RASSF8: variants seen among roughly 807,000 people sequenced by gnomAD.
RASSF8 encodes Ras association domain family member 8.
RASSF8 carries 22 observed loss-of-function variants against 48.5 expected under a neutral mutation model. The observed-to-expected ratio is 0.45, with a 90% CI of 0.32 to 0.65. The LOEUF is 0.65. Among genes scored for constraint, RASSF8 ranks in the 30% least tolerant of loss-of-function variants. RASSF8 has a pLI of 0.03. For synonymous variants in RASSF8, 127 were observed against 171.5 expected (o/e 0.74, Z 2.03); for missense variants, 418 against 489.2 (o/e 0.85, Z 1.37).
chr12:25,960,661 C>T (rs981403665), intron 1 of RASSF8, among the ~76,000 whole-genome samples: 7 of 152,140 alleles, frequency 4.6e-5, no homozygotes, highest in Non-Finnish European at 8.8e-5. Flanking sequence ...AAAATCTCCC[C>T]CTTCCTCATT....
chr12:25,964,498 A>G (rs1941311855), intron 1 of RASSF8, among the ~76,000 whole-genome samples: 2 of 152,294 alleles, frequency 1.3e-5, no homozygotes, highest in South Asian at 2.1e-4. Context: ...TGTAGGTAAT[A>G]TATTTTGTCA....
At chr12:26,050,479 G>T (rs561441536) in intron 2 of RASSF8, among the ~76,000 whole-genome samples, 25 of 152,232 alleles carry the variant, frequency 1.6e-4, no homozygotes, top group Middle Eastern at 3.4e-3. Flanking sequence ...TACAAATGCT[G>T]CTTGGAAAAA....
At chr12:25,987,336 C>T (rs1223306401) in intron 1 of RASSF8, among the ~76,000 whole-genome samples, 1 of 152,116 alleles carries the variant, frequency 6.6e-6, no homozygotes, top group East Asian at 1.9e-4. Context: ...TGCGGTCATG[C>T]CTCTTAGATT....
At chr12:26,048,757 T>C (rs960333901) in intron 2 of RASSF8, among the ~76,000 whole-genome samples, 58 of 149,744 alleles carry the variant, frequency 3.9e-4, no homozygotes, top group African/African-American at 1.3e-3. Context: ...TGTTTTGTTT[T>C]GTTTTGTTTT....
chr12:26,062,690 G>A (rs1019953584), intron 3 of RASSF8, among the ~76,000 whole-genome samples: 1 of 150,770 alleles, frequency 6.6e-6, no homozygotes, highest in Non-Finnish European at 1.5e-5. Flanking sequence ...GGGCAAGGGA[G>A]GGGAAAAAAT....
chr12:25,959,076 G>C lies in RASSF8; in HGVS notation c.-275G>C, dbSNP rs910840339. The stretch of plus-strand genomic sequence containing the variant: ...GCGCTGGGCGGCCGCGGAGCTCCGG[G>C]TGCCGCCGCGTCCCCAGCGCCCCGG... On this transcript the variant is annotated 5_prime_UTR_variant, in exon 1 of 6. Transcript: ENST00000689635. The C allele has an allele frequency of 2.0e-5, 3 of 148,940 alleles. No individual in the cohort carries two copies. Among genetic ancestry groups the C allele is most frequent in the African/African-American group, 7.3e-5 (3 of 41,080 alleles). The allele number at this position is 148,940 out of a possible 1,614,324, so 9.2% of individuals were successfully genotyped here. A position where few individuals can be genotyped will look rare whatever the true frequency, so the allele number is the denominator to read the frequency against.
chr12:25,992,818 G>C (rs539196922), intron 1 of RASSF8, among the ~76,000 whole-genome samples: 2 of 152,256 alleles, frequency 1.3e-5, no homozygotes, highest in Admixed American at 6.5e-5. Context: ...TGCCTTCCTA[G>C]GTACTCGCAC....
At chr12:26,048,551 T>C (rs1335519529) in intron 2 of RASSF8, among the ~76,000 whole-genome samples, 2 of 152,172 alleles carry the variant, frequency 1.3e-5, no homozygotes, top group Non-Finnish European at 2.9e-5. Flanking sequence ...TAATGAGGGC[T>C]ACAGGGCCAT....
chr12:25,997,437 AATATTTT>A (rs2136967746), intron 2 of RASSF8, among the ~76,000 whole-genome samples: 1 of 152,138 alleles, frequency 6.6e-6, no homozygotes, highest in Non-Finnish European at 1.5e-5. Context: ...AAATACTCTC[AATATTTT>A]ATATTTTAAA....
intron 2 of RASSF8, among the ~76,000 whole-genome samples, chr12:26,005,404 T>C (rs1046866443): frequency 6.6e-6 from 1 of 152,196 alleles, no homozygotes; most frequent in Non-Finnish European, 1.5e-5. Context: ...CTGATTCTAC[T>C]CCTCATTGCA....
chr12:26,058,904 A>C (rs1565642482), intron 3 of RASSF8, among the ~76,000 whole-genome samples: 3 of 152,230 alleles, frequency 2.0e-5, no homozygotes, highest in Non-Finnish European at 4.4e-5. Context: ...CCTTAGTTGA[A>C]ACCTCTTCTT....
chr12:26,012,752 C>A (rs7315752), intron 2 of RASSF8, among the ~76,000 whole-genome samples: 1 of 149,044 alleles, frequency 6.7e-6, no homozygotes, highest in African/African-American at 2.5e-5. Flanking sequence ...ATGAACATAG[C>A]TCACTGGAGC....
intron 2 of RASSF8, among the ~76,000 whole-genome samples, chr12:26,037,041 A>C (rs1361606375): frequency 6.6e-6 from 1 of 152,188 alleles, no homozygotes; most frequent in Non-Finnish European, 1.5e-5. Context: ...TATTAACAGT[A>C]TTGGTTGGTT....
At chr12:26,033,123 A>C (rs1017871359) in intron 2 of RASSF8, among the ~76,000 whole-genome samples, 1 of 152,174 alleles carries the variant, frequency 6.6e-6, no homozygotes, top group African/African-American at 2.4e-5. Flanking sequence ...GGATGGTTTA[A>C]ATGTTGCTAA....
At chr12:25,965,363 CTTTTT>C (rs11420016) in intron 1 of RASSF8, among the ~76,000 whole-genome samples, 3 of 116,888 alleles carry the variant, frequency 2.6e-5, no homozygotes, top group Non-Finnish European at 1.7e-5. Context: ...TCCCAAATTT[CTTTTT>C]TTTTTTTTTT....
intron 2 of RASSF8, among the ~76,000 whole-genome samples, chr12:26,017,684 C>T (rs902083954): frequency 5.3e-5 from 8 of 152,200 alleles, no homozygotes; most frequent in Admixed American, 5.2e-4. Flanking sequence ...ACTGTAGGAG[C>T]TGGTCACAGG....
intron 5 of RASSF8, chr12:26,078,893 T>C: frequency 3.2e-6 from 2 of 615,886 alleles, no homozygotes; most frequent in Non-Finnish European, 5.0e-6. Context: ...TTCTAGAAGG[T>C]TCTCAAAAAA....
At chr12:25,963,108 AG>A (rs1285145540) in intron 1 of RASSF8, among the ~76,000 whole-genome samples, 1 of 152,150 alleles carries the variant, frequency 6.6e-6, no homozygotes, top group Non-Finnish European at 1.5e-5. Flanking sequence ...CAGACATCAA[AG>A]GAAGATTGGG....
downstream of RASSF8, among the ~76,000 whole-genome samples, chr12:26,074,947 G>A (rs569175119): frequency 1.1e-4 from 16 of 152,240 alleles, no homozygotes; most frequent in South Asian, 2.9e-3. Context: ...TTTTAAGCGT[G>A]GAAATTAAAT....
Sources: allele counts gnomAD v4.1 joint callset (sites outside exome capture counted in the v4.1 genomes callset), GRCh38; gene constraint gnomAD v4.1.1; transcripts MANE v1.5; gene names NCBI Gene and HGNC (gene_info 2026-07-23, HGNC 2026-07-21).